Variants in ASAP1 observed in about 807,000 individuals in gnomAD.
The protein encoded by ASAP1 is arf-GAP with SH3 domain, ANK repeat and PH domain-containing protein 1.
ASAP1 carries 43 observed loss-of-function variants against 145.2 expected under a neutral mutation model. That is an observed-to-expected ratio of 0.30 (90% CI 0.23 to 0.38). ASAP1 has a LOEUF of 0.38. ASAP1 is among the 10% of genes least tolerant of loss of function. The pLI is 1.00. For synonymous variants in ASAP1, 546 were observed against 515.5 expected (o/e 1.06, Z -0.80); for missense variants, 1,018 against 1,355.3 (o/e 0.75, Z 3.91).
intron 27 of ASAP1, among the ~76,000 whole-genome samples, chr8:130,067,191 G>A (rs1382620966): frequency 6.6e-6 from 1 of 152,126 alleles, no homozygotes; most frequent in Non-Finnish European, 1.5e-5. Context: ...GCATGTTGCT[G>A]CAGTGTGTAG....
chr8:130,275,353 A>G (rs971179122), intron 3 of ASAP1, among the ~76,000 whole-genome samples: 1 of 152,248 alleles, frequency 6.6e-6, no homozygotes, highest in African/African-American at 2.4e-5. Flanking sequence ...TTCACTTATC[A>G]AAGATTCCTG....
At chr8:130,400,148 C>G (rs1828718756) in intron 2 of ASAP1, among the ~76,000 whole-genome samples, 1 of 152,140 alleles carries the variant, frequency 6.6e-6, no homozygotes, top group Non-Finnish European at 1.5e-5. Context: ...TGAGATCACA[C>G]AGCAAATCAG....
intron 9 of ASAP1, among the ~76,000 whole-genome samples, chr8:130,175,250 A>C (rs1213056198): frequency 6.6e-6 from 1 of 152,128 alleles, no homozygotes; most frequent in Non-Finnish European, 1.5e-5. Context: ...TTTAATATAC[A>C]GAGTCTTGCT....
At chr8:130,427,292 G>A (rs1829956863) in intron 1 of ASAP1, among the ~76,000 whole-genome samples, 1 of 152,188 alleles carries the variant, frequency 6.6e-6, no homozygotes, top group Admixed American at 6.5e-5. Context: ...GAGCCACCAT[G>A]TCTCACCCCT....
chr8:130,278,085 A>T (rs1048818398), intron 3 of ASAP1, among the ~76,000 whole-genome samples: 3 of 152,114 alleles, frequency 2.0e-5, no homozygotes, highest in African/African-American at 7.2e-5. Context: ...AAAAAAAAAA[A>T]ATCAAAGGGC....
At chr8:130,215,692 C>A (rs1230943954) in intron 4 of ASAP1, among the ~76,000 whole-genome samples, 1 of 151,910 alleles carries the variant, frequency 6.6e-6, no homozygotes, top group Non-Finnish European at 1.5e-5. Flanking sequence ...TGCAGTGAGC[C>A]GAGACCGCGT....
chr8:130,214,475 A>G, intron 5 of ASAP1, 81 bp downstream of exon 5: 1 of 1,321,566 alleles, frequency 7.6e-7, no homozygotes, highest in South Asian at 1.8e-5. Flanking sequence ...TTGAGGGGGA[A>G]GGATTATTGA....
intron 17 of ASAP1, among the ~76,000 whole-genome samples, chr8:130,124,878 T>C (rs1198988939): frequency 6.6e-6 from 1 of 152,216 alleles, no homozygotes; most frequent in Non-Finnish European, 1.5e-5. Context: ...AAGAATGTGT[T>C]ACAGGTAATA....
rs984243347 is a variant in ASAP1 at position 130,443,393 on chromosome 8, G to C, written c.-28+67C>G. ...TTCTTCGCGCGAGAGACTGGGCAGG[G>C]GGCGCCCGCGACTGTGGGCGACTCC... is the stretch of plus-strand genomic sequence containing the variant. On this transcript the variant is annotated intron_variant, in intron 1 of 29. Coordinates refer to ENST00000518721, the MANE Select transcript of ASAP1 (RefSeq NM_018482.4). 2.1e-4 allele frequency: 32 copies of C among 151,250 alleles called. No individual in the cohort carries two copies. In the East Asian group the frequency reaches 6.0e-3, roughly 28 times the overall value. The allele number at this position is 151,250 out of a possible 1,614,324, so 9.4% of individuals were successfully genotyped here. A position where few individuals can be genotyped will look rare whatever the true frequency, so the allele number is the denominator to read the frequency against.
At chr8:130,357,909 TG>T in intron 3 of ASAP1, 107 bp downstream of exon 3, 1 of 1,438,134 alleles carries the variant, frequency 7.0e-7, no homozygotes, top group Non-Finnish European at 9.3e-7. Flanking sequence ...TGAGGGGGTG[TG>T]GCGCCCCCGG....
At chr8:130,433,942 A>G (rs967286217) in intron 1 of ASAP1, among the ~76,000 whole-genome samples, 4 of 152,236 alleles carry the variant, frequency 2.6e-5, no homozygotes, top group African/African-American at 9.6e-5. Flanking sequence ...CGTGGAATTA[A>G]AATTCAAGTC....
In ASAP1 at chr8:130,200,250, A is replaced by G. The variant is rs367791793; in HGVS notation, c.406-12067T>C. ...AGTGGTAAATGGAAACAATAGAAAT[A>G]TTCAAAACAGGAAGTTGGGTAAATA... On this transcript the variant is annotated intron_variant, in intron 5 of 29. Transcript: ENST00000518721. 5.3e-5 allele frequency among the ~76,000 whole-genome samples: 8 copies of G among 152,336 alleles called. No homozygotes were observed. In the East Asian group the frequency reaches 1.5e-3, roughly 29 times the overall value.
chr8:130,379,981 C>A (rs1230865859), intron 2 of ASAP1, among the ~76,000 whole-genome samples: 5 of 152,252 alleles, frequency 3.3e-5, no homozygotes, highest in African/African-American at 9.6e-5. Context: ...GATCCCCCTG[C>A]GACCTCACCC....
intron 9 of ASAP1, 48 bp downstream of exon 9, chr8:130,179,215 CA>C (rs773336665): frequency 4.4e-6 from 5 of 1,143,512 alleles, no homozygotes; most frequent in East Asian, 4.8e-5. Flanking sequence ...TAATGAAGTA[CA>C]GGGGGCAGTA....
intron 5 of ASAP1, among the ~76,000 whole-genome samples, chr8:130,213,644 G>C (rs1586606373): frequency 6.6e-6 from 1 of 152,302 alleles, no homozygotes; most frequent in East Asian, 1.9e-4. Flanking sequence ...CCAGGGCAGG[G>C]CTAACTTGGA....
At chr8:130,302,747 TG>T (rs1351925910) in intron 3 of ASAP1, among the ~76,000 whole-genome samples, 1 of 152,202 alleles carries the variant, frequency 6.6e-6, no homozygotes, top group African/African-American at 2.4e-5. Flanking sequence ...CTTTTGGTTC[TG>T]GGGCTAGGAG....
chr8:130,120,343 G>A lies in ASAP1; in HGVS notation c.1608-1668C>T, dbSNP rs138724277. On this transcript the variant is annotated intron_variant, in intron 18 of 29. Transcript: ENST00000518721. Reference sequence around the variant, plus strand: ...GAGCAGCAGACTTAAAAATTAAATCGCTCGATTCAAGTCTGAGACCACGTG... The same window carrying A: ...GAGCAGCAGACTTAAAAATTAAATCACTCGATTCAAGTCTGAGACCACGTG... Among the ~76,000 whole-genome samples the A allele has an allele frequency of 2.8e-4, 42 of 152,320 alleles. No individual in the cohort carries two copies. The South Asian group carries it at 3.3e-3, about 12-fold the overall frequency.
intron 3 of ASAP1, among the ~76,000 whole-genome samples, chr8:130,307,733 T>C (rs1217619499): frequency 6.6e-6 from 1 of 152,220 alleles, no homozygotes; most frequent in Non-Finnish European, 1.5e-5. Flanking sequence ...TCCCACGCTC[T>C]AATTTGCCAA....
chr8:130,262,459 C>A (rs1819994557), intron 3 of ASAP1, among the ~76,000 whole-genome samples: 1 of 107,510 alleles, frequency 9.3e-6, no homozygotes, highest in African/African-American at 3.5e-5. Context: ...AGAGAGAGAA[C>A]CTGTGGAATT....
Sources: allele counts gnomAD v4.1 joint callset (sites outside exome capture counted in the v4.1 genomes callset), GRCh38; gene constraint gnomAD v4.1.1; transcripts MANE v1.5; gene names NCBI Gene and HGNC (gene_info 2026-07-23, HGNC 2026-07-21).